Variants in ZNF211 observed in about 807,000 individuals in gnomAD.
ZNF211 encodes zinc finger protein 211, also known as zinc finger protein C2H2-25.
In ZNF211, 18 loss-of-function variants were observed where a neutral mutation model predicts 12.1. That is an observed-to-expected ratio of 1.48 (90% CI 1.03 to 2.20). ZNF211 has a LOEUF of 2.20. Ranked by LOEUF, ZNF211 falls within the 30% of genes most tolerant of loss-of-function variation. The pLI, the probability that ZNF211 is intolerant of heterozygous loss-of-function variation, is 0.00. For synonymous variants in ZNF211, 249 were observed against 246.0 expected, an observed-to-expected ratio of 1.01 and a Z score of -0.11; for missense variants, 677 against 703.1, an observed-to-expected ratio of 0.96 and a Z score of 0.42.
chr19:57,639,820 C>T lies in ZNF211; in HGVS notation c.257-884C>T, dbSNP rs1198071350. The stretch of plus-strand genomic sequence containing the variant: ...TACAACACTCTAACTTGAATTTATA[C>T]AAACTTAACTTCTTTAACTTTCCTT... On this transcript the variant is annotated intron_variant, in intron 3 of 3. Transcript: ENST00000240731. 3 of 1,313,120 alleles carry T rather than the reference C, an allele frequency of 2.3e-6. No homozygotes were observed. The African/African-American group carries it at 4.5e-5, about 20-fold the overall frequency. 81.3% of individuals were successfully genotyped at this position (1,313,120 alleles called of 1,614,324 possible). A position where few individuals can be genotyped will look rare whatever the true frequency, so the allele number is the denominator to read the frequency against.
At chr19:57,639,408 C>CTTTTTTTT (rs55696059) in intron 3 of ZNF211, among the ~76,000 whole-genome samples, 3 of 20,764 alleles carry the variant, frequency 1.4e-4, no homozygotes, top group African/African-American at 2.1e-4. Flanking sequence ...CCTTTATGTA[C>CTTTTTTTT]TTTTTTTTTT....
At chr19:57,634,158 C>CATGGGACA (rs1278213537) in intron 2 of ZNF211, 97 bp downstream of exon 2, 17 of 1,337,416 alleles carry the variant, frequency 1.3e-5, no homozygotes, top group Non-Finnish European at 1.6e-5. Flanking sequence ...ATGGGACTCA[C>CATGGGACA]CTACCATTCT....
Position 57,642,200 on chromosome 19 carries a change from A to T in ZNF211, c.*19A>T. ...GCCTTAGCTGTACTGAGAATATGCA[A>T]TTTCCTTTTAGTGTAATTATACTGA... is the stretch of plus-strand genomic sequence containing the variant. On this transcript the variant is annotated 3_prime_UTR_variant, in exon 4 of 4. Transcript: ENST00000240731. The T allele has an allele frequency of 6.4e-7, 1 of 1,567,336 alleles. No homozygotes were observed.
chr19:57,634,483 A>G (rs1981884979), intron 2 of ZNF211, 146 bp from the exon 3 acceptor site: 1 of 923,714 alleles, frequency 1.1e-6, no homozygotes. Flanking sequence ...ACTAATGGGA[A>G]TGTGAAGAGA....
In ZNF211 at chr19:57,633,265, G is replaced by T. The variant is rs573805036; in HGVS notation, c.-82G>T. ...CGCTTTGGTACGCTGCATCGGGATC[G>T]AAGTGACGGACCGTGAAGGCGCGAG... On this transcript the variant is annotated 5_prime_UTR_variant, in exon 1 of 4. Coordinates refer to ENST00000240731, the MANE Select transcript of ZNF211 (RefSeq NM_006385.5). The T allele has an allele frequency of 1.6e-3, 2,137 of 1,315,928 alleles. 1 individual carries two copies. The highest frequency in any genetic ancestry group is 2.0e-3 in the Non-Finnish European group (1,985 of 985,400). 81.5% of individuals were successfully genotyped at this position (1,315,928 alleles called of 1,614,324 possible). A position where few individuals can be genotyped will look rare whatever the true frequency, so the allele number is the denominator to read the frequency against.
chr19:57,638,914 T>C (rs987521903), intron 3 of ZNF211, among the ~76,000 whole-genome samples: 1 of 152,242 alleles, frequency 6.6e-6, no homozygotes, highest in Non-Finnish European at 1.5e-5. Flanking sequence ...ATAAGTGTTA[T>C]ATCTTCTTGC....
rs762703220 is a variant in ZNF211, at chr19:57,641,210, G to GA, written c.764dup (p.Asp255GlufsTer12). ...ATGCAGTAAAGCCTTTAGCCACATA[G>GA]ACACACTTGTTCAGGACCAGAGAAT... is the stretch of plus-strand genomic sequence containing the variant. On this transcript the variant is annotated frameshift_variant, in exon 4 of 4. Coordinates refer to ENST00000240731, the MANE Select transcript of ZNF211 (RefSeq NM_006385.5). LOFTEE classifies it low-confidence loss of function (END_TRUNC). 6.2e-7 allele frequency: 1 copy of GA among 1,614,202 alleles called. No homozygotes were observed. Among genetic ancestry groups the GA allele is most frequent in the Non-Finnish European group, 8.5e-7 (1 of 1,180,050 alleles).
chr19:57,640,740 C>T lies in ZNF211; in HGVS notation c.293C>T (p.Ser98Phe). 1 of 1,614,188 alleles carries T rather than the reference C, an allele frequency of 6.2e-7. No individual in the cohort carries two copies. The highest frequency in any genetic ancestry group is 8.5e-7 in the Non-Finnish European group (1 of 1,180,024). Residue 98 changes from serine to phenylalanine, a missense_variant, in exon 4 of 4, where the codon TCT (serine) becomes TTT (phenylalanine). Ser to Phe is a radical substitution (Grantham distance 155). Transcript: ENST00000240731. The stretch of plus-strand genomic sequence containing the variant: ...GGAGTGGAACATGAGGAAACACCTT[C>T]TGAACAGAGAATTTCTGGAGAAAGA... ...WCGVEHEETPSEQRISGERVP... is the reference protein window; with the variant it reads ...WCGVEHEETPFEQRISGERVP...
Position 57,642,325 on chromosome 19 carries a change from C to A in ZNF211, c.*144C>A, listed in dbSNP as rs1599978615. 9.2e-6 allele frequency: 8 copies of A among 872,916 alleles called. No individual in the cohort carries two copies. Among genetic ancestry groups the A allele is most frequent in the Middle Eastern group, 7.3e-4 (2 of 2,726 alleles). The allele number at this position is 872,916 out of a possible 1,614,324, so 54.1% of individuals were successfully genotyped here. ...CCCCTTAAGTTCCAGGTATGTGTTA[C>A]ACTTTCTAACATGCCATTTAGAAAG... On this transcript the variant is annotated 3_prime_UTR_variant, in exon 4 of 4. Transcript: ENST00000240731.
At chr19:57,640,657 T>C in intron 3 of ZNF211, 47 bp from the exon 4 acceptor site, 3 of 1,588,866 alleles carry the variant, frequency 1.9e-6, no homozygotes, top group Non-Finnish European at 2.6e-6. Context: ...CATTGTCTCC[T>C]CCTAATAAAG....
At chr19:57,633,658 T>G in intron 1 of ZNF211, 1 of 1,534,092 alleles carries the variant, frequency 6.5e-7, no homozygotes, top group Non-Finnish European at 8.7e-7. Context: ...GAACCTGGGC[T>G]CCACATTGTT....
Position 57,634,061 on chromosome 19 carries a change from G to T in ZNF211, c.129G>T (p.Gln43His). The change falls in exon 2 of 4, where the codon CAG (glutamine) becomes CAT (histidine). Residue 43 changes from glutamine (Q) to histidine (H), a missense_variant and splice_region_variant. Coordinates refer to ENST00000240731, the MANE Select transcript of ZNF211 (RefSeq NM_006385.5). ...CAGAGGTGCTTTTCAAACTTACACA[G>T]GTAAGTGGAGGTATCTCAGCCCCTC... is the stretch of plus-strand genomic sequence containing the variant. ...IATEVLFKLT[Q>H]GSVTFEDVAV... The T allele has an allele frequency of 6.4e-7, 1 of 1,569,316 alleles. No homozygotes were observed. The highest frequency in any genetic ancestry group is 8.6e-7 in the Non-Finnish European group (1 of 1,161,546).
intron 1 of ZNF211, 166 bp downstream of exon 1, chr19:57,633,602 C>A: frequency 1.3e-6 from 2 of 1,527,822 alleles, no homozygotes; most frequent in Non-Finnish European, 1.7e-6. Flanking sequence ...GGGACAGGAC[C>A]GGCGCGTGCA....
chr19:57,634,876 G>A, intron 3 of ZNF211, 121 bp downstream of exon 3: 2 of 1,322,834 alleles, frequency 1.5e-6, no homozygotes, highest in South Asian at 5.1e-5. Flanking sequence ...AGTTCCCTGG[G>A]TAGATGTTGT....
Position 57,643,804 on chromosome 19 carries a change from T to C in ZNF211, c.*1623T>C, listed in dbSNP as rs763207253. On this transcript the variant is annotated 3_prime_UTR_variant, in exon 4 of 4. Coordinates refer to ENST00000240731, the MANE Select transcript of ZNF211 (RefSeq NM_006385.5). ...CATTGATTTATACCTTCATTTATAA[T>C]AGGTTTGTTTGTATTTTCTATAATA... Among the ~76,000 whole-genome samples, 16 of 152,350 alleles carry C rather than the reference T, an allele frequency of 1.1e-4. No homozygotes were observed. Among genetic ancestry groups the C allele is most frequent in the Non-Finnish European group, 1.9e-4 (13 of 68,030 alleles).
chr19:57,641,238 T>C lies in ZNF211; in HGVS notation c.791T>C (p.Leu264Pro). 1.2e-6 allele frequency: 2 copies of C among 1,614,214 alleles called. No homozygotes were observed. Among genetic ancestry groups the C allele is most frequent in the Non-Finnish European group, 8.5e-7 (1 of 1,180,042 alleles). Reference protein sequence around the residue: ...IDTLVQDQRILTREGLFECSK... With the variant: ...IDTLVQDQRIPTREGLFECSK... ...ACACTTGTTCAGGACCAGAGAATCC[T>C]CACTAGAGAAGGACTTTTTGAGTGC... The change falls in exon 4 of 4, where the codon CTC (leucine) becomes CCC (proline). Residue 264 changes from leucine to proline, a missense_variant. Coordinates refer to ENST00000240731, the MANE Select transcript of ZNF211 (RefSeq NM_006385.5).
chr19:57,641,737 A>T lies in ZNF211; in HGVS notation c.1290A>T (p.Arg430Ser). 3 of 1,613,938 alleles carry T rather than the reference A, an allele frequency of 1.9e-6. No homozygotes were observed. Among genetic ancestry groups the T allele is most frequent in the Non-Finnish European group, 2.5e-6 (3 of 1,179,976 alleles). Residue 430 changes from arginine (R) to serine (S), a missense_variant, in exon 4 of 4, where the codon AGA (arginine) becomes AGT (serine). Physicochemically the swap from Arg to Ser is moderately radical, Grantham distance 110. Transcript: ENST00000240731. ...SRSSSLIHHRRLHTGERPYEC... is the reference protein window; with the variant it reads ...SRSSSLIHHRSLHTGERPYEC... ...GCTCCAGCCTCATTCACCACCGGAG[A>T]CTTCACACTGGAGAAAGACCCTATG...
Position 57,634,642 on chromosome 19 carries a change from T to C in ZNF211, c.143T>C (p.Phe48Ser), listed in dbSNP as rs1236415680. The C allele has an allele frequency of 6.3e-7, 1 of 1,593,548 alleles. No homozygotes were observed. Among genetic ancestry groups the C allele is most frequent in the Non-Finnish European group, 8.6e-7 (1 of 1,169,508 alleles). The change falls in exon 3 of 4, where the codon TTT (phenylalanine) becomes TCT (serine). Residue 48 changes from phenylalanine (F) to serine (S), a missense_variant. Phe to Ser is a radical substitution (Grantham distance 155). Transcript: ENST00000240731. ...CTATTATGCTAGGGAAGTGTGACCT[T>C]TGAAGATGTGGCCGTGTACTTCTCC... is the stretch of plus-strand genomic sequence containing the variant. ...LFKLTQGSVT[F>S]EDVAVYFSWE... is the part of the protein sequence containing the mutation.
At position 57,641,127 on chromosome 19, in the gene ZNF211, A is replaced by C; in HGVS notation, c.680A>C (p.Asn227Thr). ...DATQTGEKPN[N>T]SNKCAVAFYS... ...ACTCAAACAGGGGAGAAGCCAAATA[A>C]CAGTAACAAGTGTGCGGTGGCCTTT... Residue 227 changes from asparagine to threonine, a missense_variant, in exon 4 of 4, where the codon AAC becomes ACC. Transcript: ENST00000240731. 6.2e-7 allele frequency: 1 copy of C among 1,614,212 alleles called. No homozygotes were observed. The highest frequency in any genetic ancestry group is 8.5e-7 in the Non-Finnish European group (1 of 1,180,028).
Sources: gnomAD v4.1 joint callset for allele counts (sites outside exome capture counted in the v4.1 genomes callset) on GRCh38, gnomAD v4.1.1 for gene constraint, MANE v1.5 for transcripts, NCBI Gene and HGNC (gene_info 2026-07-23, HGNC 2026-07-21) for gene names.